The following TSEN15 variants were observed in gnomAD, a reference collection of about 807,000 sequenced individuals.
The protein encoded by TSEN15 is tRNA-splicing endonuclease subunit Sen15.
A neutral mutation model predicts 20.5 loss-of-function variants in TSEN15; 10 were observed. The observed-to-expected ratio is 0.49, with a 90% CI of 0.30 to 0.83. TSEN15 has a LOEUF of 0.83. TSEN15 is among the 40% of genes least tolerant of loss of function. The pLI is 0.06. For missense variants in TSEN15, 180 were observed against 218.6 expected (o/e 0.82, Z 1.11); for synonymous variants, 72 against 80.1 (o/e 0.90, Z 0.54).
chr1:184,055,849 A>G (rs1650232057), intron 3 of TSEN15, among the ~76,000 whole-genome samples: 1 of 152,134 alleles, frequency 6.6e-6, no homozygotes, highest in South Asian at 2.1e-4. Flanking sequence ...GCAAAACTAG[A>G]TTCTTGATAA....
At chr1:184,079,799 T>C (rs960579359) in intron 3 of TSEN15, among the ~76,000 whole-genome samples, 1 of 152,134 alleles carries the variant, frequency 6.6e-6, no homozygotes, top group Non-Finnish European at 1.5e-5. Flanking sequence ...TAAACTGGGC[T>C]CCTTCTCTGT....
chr1:184,063,760 A>G (rs1185739468), intron 3 of TSEN15, among the ~76,000 whole-genome samples: 1 of 152,156 alleles, frequency 6.6e-6, no homozygotes, highest in Non-Finnish European at 1.5e-5. Context: ...ATATAAATGG[A>G]CGAATTATTT....
intron 3 of TSEN15, chr1:184,094,944 G>C (rs1321273833): frequency 2.5e-6 from 1 of 398,382 alleles, no homozygotes; most frequent in Non-Finnish European, 4.4e-6. Context: ...CCTCTGAGGA[G>C]TGTAGCACCA....
At chr1:184,096,180 G>A (rs1651446047) in exon 4 of TSEN15, 1 of 154,862 alleles carries the variant, frequency 6.5e-6, no homozygotes. Context: ...GATAATTTGT[G>A]TCAAGTAATA....
At chr1:184,081,439 A>G (rs1323180312) in intron 3 of TSEN15, among the ~76,000 whole-genome samples, 1 of 152,214 alleles carries the variant, frequency 6.6e-6, no homozygotes, top group African/African-American at 2.4e-5. Context: ...ATTAGGAAGC[A>G]GCCCATGTTA....
At chr1:184,064,996 T>C (rs1185065953) in intron 3 of TSEN15, among the ~76,000 whole-genome samples, 1 of 152,198 alleles carries the variant, frequency 6.6e-6, no homozygotes, top group Admixed American at 6.5e-5. Flanking sequence ...CTCAGACTCA[T>C]ATATGTAAGT....
At chr1:184,057,002 A>G (rs1320189882) in intron 3 of TSEN15, among the ~76,000 whole-genome samples, 1 of 151,860 alleles carries the variant, frequency 6.6e-6, no homozygotes, top group Non-Finnish European at 1.5e-5. Flanking sequence ...CCCTTATGTA[A>G]CTCTCTTCCC....
downstream of TSEN15, among the ~76,000 whole-genome samples, chr1:184,077,577 T>C (rs1651088221): frequency 6.6e-6 from 1 of 152,152 alleles, no homozygotes; most frequent in South Asian, 2.1e-4. Context: ...GTTACTCCTG[T>C]TATGGATCTG....
chr1:184,055,460 C>A (rs1324550683), intron 3 of TSEN15, among the ~76,000 whole-genome samples: 1 of 152,180 alleles, frequency 6.6e-6, no homozygotes, highest in Non-Finnish European at 1.5e-5. Flanking sequence ...TTAGCACTTA[C>A]TCTATGGTCA....
chr1:184,058,421 C>T (rs1650324248), intron 3 of TSEN15, among the ~76,000 whole-genome samples: 1 of 151,632 alleles, frequency 6.6e-6, no homozygotes, highest in East Asian at 1.9e-4. Context: ...TTTCTCAACT[C>T]AAACTATGCA....
chr1:184,086,677 G>A (rs1192585759), intron 3 of TSEN15, among the ~76,000 whole-genome samples: 1 of 152,106 alleles, frequency 6.6e-6, no homozygotes, highest in Non-Finnish European at 1.5e-5. Context: ...AGGACACCTT[G>A]GGTCTCCTCA....
chr1:184,079,613 G>C (rs752938454), intron 3 of TSEN15, among the ~76,000 whole-genome samples: 1 of 152,160 alleles, frequency 6.6e-6, no homozygotes, highest in Non-Finnish European at 1.5e-5. Flanking sequence ...AGTGCATGCT[G>C]TCTGGCGGCA....
chr1:184,096,410 T>C (rs573703543), exon 4 of TSEN15: 2 of 152,332 alleles, frequency 1.3e-5, no homozygotes, highest in African/African-American at 2.4e-5. Flanking sequence ...GGCCAGGTGG[T>C]TGGTTTTAGG....
intron 3 of TSEN15, among the ~76,000 whole-genome samples, chr1:184,083,766 G>T (rs1403400735): frequency 6.6e-6 from 1 of 152,010 alleles, no homozygotes; most frequent in Non-Finnish European, 1.5e-5. Context: ...ATCCACTTTG[G>T]ACCATAATGT....
chr1:184,088,576 GTTTTTTGTATTT>G (rs1651304781), intron 3 of TSEN15, among the ~76,000 whole-genome samples: 1 of 145,406 alleles, frequency 6.9e-6, no homozygotes, highest in Non-Finnish European at 1.5e-5. Context: ...AGAAAAAAAT[GTTTTTTGTATTT>G]TTTTTTTTTT....
chr1:184,073,007 G>T lies in TSEN15; in HGVS notation c.*160G>T, dbSNP rs559370849. On this transcript the variant is annotated 3_prime_UTR_variant, in exon 5 of 5. Coordinates refer to ENST00000645668, the MANE Select transcript of TSEN15 (RefSeq NM_052965.4). ...ATTCTGAAGAGTAAAACTTCCCCAG[G>T]TAGAAGACTTTCTCCTTCTTAAAAA... 12 of 641,380 alleles carry T rather than the reference G, an allele frequency of 1.9e-5. No individual in the cohort carries two copies. In the South Asian group the frequency reaches 2.4e-4, roughly 13 times the overall value. 39.7% of individuals were successfully genotyped at this position (641,380 alleles called of 1,614,324 possible).
exon 4 of TSEN15, chr1:184,096,198 A>G (rs938790693): frequency 1.3e-5 from 2 of 153,370 alleles, no homozygotes; most frequent in South Asian, 2.1e-4. Flanking sequence ...ATATGACAGC[A>G]TCTTTCCTCT....
At chr1:184,061,289 G>T (rs914352752) in intron 3 of TSEN15, among the ~76,000 whole-genome samples, 1 of 152,074 alleles carries the variant, frequency 6.6e-6, no homozygotes, top group Non-Finnish European at 1.5e-5. Context: ...TAGACTGTGC[G>T]TCTTAGCTGC....
At chr1:184,058,452 A>G (rs1282239498) in intron 3 of TSEN15, among the ~76,000 whole-genome samples, 3 of 151,884 alleles carry the variant, frequency 2.0e-5, no homozygotes, top group African/African-American at 7.3e-5. Context: ...TAACAAATGG[A>G]AATGTGTGGG....
Sources: gnomAD v4.1 joint callset for allele counts (sites outside exome capture counted in the v4.1 genomes callset) on GRCh38, gnomAD v4.1.1 for gene constraint, MANE v1.5 for transcripts, NCBI Gene and HGNC (gene_info 2026-07-23, HGNC 2026-07-21) for gene names.